The following PLD1 variants were observed in gnomAD, a reference collection of about 807,000 sequenced individuals.
The protein encoded by PLD1 is phospholipase D1, also known as choline phosphatase 1.
A neutral mutation model predicts 137.1 loss-of-function variants in PLD1; 112 were observed. The observed-to-expected ratio is 0.82, with a 90% confidence interval of 0.70 to 0.96. The LOEUF (loss-of-function observed/expected upper bound fraction) is 0.96. PLD1 is among the 40% of genes least tolerant of loss of function. The probability of loss-of-function intolerance (pLI) is 0.00; values close to 1 mark genes in which losing one functional copy is unlikely to be tolerated. For missense variants in PLD1, 1,321 were observed against 1,342.0 expected (o/e 0.98, Z 0.24); for synonymous variants, 431 against 454.7 (o/e 0.95, Z 0.66).
intron 1 of PLD1, among the ~76,000 whole-genome samples, chr3:171,774,394 G>T (rs1197616475): frequency 6.6e-6 from 1 of 152,152 alleles, no homozygotes; most frequent in Non-Finnish European, 1.5e-5. Flanking sequence ...GGGTAAACGG[G>T]GTGGGGGACA....
chr3:171,678,891 G>C (rs1470695098), intron 16 of PLD1, among the ~76,000 whole-genome samples: 2 of 151,814 alleles, frequency 1.3e-5, no homozygotes, highest in African/African-American at 4.8e-5. Context: ...ATGTCTCCAT[G>C]CAGTTGGCAC....
chr3:171,649,505 G>A (rs1736546690), intron 21 of PLD1, among the ~76,000 whole-genome samples: 1 of 152,202 alleles, frequency 6.6e-6, no homozygotes, highest in South Asian at 2.1e-4. Flanking sequence ...AAGAGTTCCA[G>A]CTGCTGAGGA....
At chr3:171,740,847 A>G (rs1719727698) in intron 1 of PLD1, among the ~76,000 whole-genome samples, 1 of 152,214 alleles carries the variant, frequency 6.6e-6, no homozygotes, top group Admixed American at 6.5e-5. Flanking sequence ...CCTGGTAGGT[A>G]TGATTATTCT....
At chr3:171,775,243 T>C (rs1560297446) in intron 1 of PLD1, among the ~76,000 whole-genome samples, 1 of 152,196 alleles carries the variant, frequency 6.6e-6, no homozygotes, top group Non-Finnish European at 1.5e-5. Flanking sequence ...ACATTAGTTA[T>C]TGCAATATCT....
At chr3:171,617,021 G>A (rs1733170074) in intron 24 of PLD1, among the ~76,000 whole-genome samples, 1 of 151,958 alleles carries the variant, frequency 6.6e-6, no homozygotes, top group African/African-American at 2.4e-5. Flanking sequence ...GACCACATAT[G>A]AGCATTACCT....
chr3:171,652,640 T>C (rs1464415957), intron 21 of PLD1, among the ~76,000 whole-genome samples: 1 of 151,898 alleles, frequency 6.6e-6, no homozygotes, highest in Non-Finnish European at 1.5e-5. Context: ...CTTGCTCTGT[T>C]ACCCAGGCTG....
At chr3:171,791,866 C>T (rs1723226636) in intron 1 of PLD1, 1 of 152,238 alleles carries the variant, frequency 6.6e-6, no homozygotes, top group Non-Finnish European at 1.5e-5. Flanking sequence ...AGCATAAACA[C>T]AATGGGCCGA....
chr3:171,808,166 AG>A (rs1723931953), intron 1 of PLD1, among the ~76,000 whole-genome samples: 2 of 152,124 alleles, frequency 1.3e-5, no homozygotes, highest in African/African-American at 4.8e-5. Context: ...CCCCAACCTC[AG>A]CTGCATGCTG....
intron 1 of PLD1, among the ~76,000 whole-genome samples, chr3:171,785,877 T>C (rs1214519584): frequency 2.6e-5 from 4 of 152,240 alleles, no homozygotes; most frequent in African/African-American, 9.6e-5. Context: ...GCTGCTTCTT[T>C]CAGCCCTGTA....
intron 8 of PLD1, among the ~76,000 whole-genome samples, chr3:171,719,620 C>T (rs559912964): frequency 6.6e-6 from 1 of 152,284 alleles, no homozygotes; most frequent in Admixed American, 6.5e-5. Context: ...AAAGTAATGG[C>T]AAAAACCACA....
intron 8 of PLD1, among the ~76,000 whole-genome samples, chr3:171,720,997 T>G (rs1052427795): frequency 6.6e-5 from 10 of 152,194 alleles, no homozygotes; most frequent in Non-Finnish European, 1.2e-4. Flanking sequence ...ATTTTTCCCC[T>G]TTAAAGCTCT....
chr3:171,745,223 A>C (rs377028048), intron 1 of PLD1, among the ~76,000 whole-genome samples: 82 of 152,332 alleles, frequency 5.4e-4, no homozygotes, highest in African/African-American at 1.9e-3. Flanking sequence ...ATCTATTTCA[A>C]ATGTTGATGG....
At chr3:171,637,870 A>G (rs151001702) in intron 23 of PLD1, among the ~76,000 whole-genome samples, 215 of 152,250 alleles carry the variant, frequency 1.4e-3, no homozygotes, top group African/African-American at 4.7e-3. Flanking sequence ...AAAACATGGT[A>G]TAAGAGATCA....
At chr3:171,651,323 GGTGTGTGT>G (rs3050440) in intron 21 of PLD1, among the ~76,000 whole-genome samples, 48,699 of 150,280 alleles carry the variant, frequency 0.32, 9,242 homozygotes, top group African/African-American at 0.52. Context: ...TAGGGCTTAG[GGTGTGTGT>G]GTGTGTGTGT....
At chr3:171,687,629 C>T in intron 14 of PLD1, 45 bp from the exon 15 acceptor site, 2 of 1,254,334 alleles carry the variant, frequency 1.6e-6, no homozygotes, top group Non-Finnish European at 2.3e-6. Flanking sequence ...ATAAGACATG[C>T]TGCAGTGTGG....
intron 1 of PLD1, among the ~76,000 whole-genome samples, chr3:171,775,002 G>A (rs780093963): frequency 3.3e-5 from 5 of 152,168 alleles, no homozygotes; most frequent in Non-Finnish European, 7.3e-5. Context: ...TGCAGCTGGG[G>A]GACAGTGGGA....
In PLD1 at chr3:171,603,310, G is replaced by C. The variant is rs376807150; in HGVS notation, c.3001-8C>G. ...GGGAAGGCACCGGAAAACCTGATTAGAGCATAAATAGAAAAATGAGTGAAA... is the reference window on the plus strand; with the variant it reads ...GGGAAGGCACCGGAAAACCTGATTACAGCATAAATAGAAAAATGAGTGAAA... On this transcript the variant is annotated splice_polypyrimidine_tract_variant and splice_region_variant and intron_variant, in intron 26 of 26. Transcript: ENST00000351298. 1 of 1,598,902 alleles carries C rather than the reference G, an allele frequency of 6.3e-7. No individual in the cohort carries two copies. Among genetic ancestry groups the C allele is most frequent in the Non-Finnish European group, 8.6e-7 (1 of 1,166,880 alleles).
At chr3:171,645,994 A>C (rs980706627) in intron 21 of PLD1, among the ~76,000 whole-genome samples, 5 of 152,184 alleles carry the variant, frequency 3.3e-5, no homozygotes, top group Non-Finnish European at 5.9e-5. Flanking sequence ...GATTAATGAC[A>C]ACCTTTGAAA....
chr3:171,706,618 T>A (rs1319954687), intron 11 of PLD1, among the ~76,000 whole-genome samples: 1 of 152,204 alleles, frequency 6.6e-6, no homozygotes, highest in Non-Finnish European at 1.5e-5. Flanking sequence ...TTCTGACACA[T>A]TTAACATACT....
Sources: allele counts gnomAD v4.1 joint callset (sites outside exome capture counted in the v4.1 genomes callset), GRCh38; gene constraint gnomAD v4.1.1; transcripts MANE v1.5; gene names NCBI Gene and HGNC (gene_info 2026-07-23, HGNC 2026-07-21).